CNBD2: variants seen among roughly 807,000 people sequenced by gnomAD.
The protein encoded by CNBD2 is cyclic nucleotide binding domain containing 2.
CNBD2 carries 64 observed loss-of-function variants against 63.7 expected under a neutral mutation model. The ratio of observed to expected loss-of-function variants is 1.00; its 90% CI spans 0.82 to 1.24. The LOEUF is 1.24. CNBD2 is among the 50% of genes most tolerant of loss of function. CNBD2 has a pLI of 0.00. For synonymous variants in CNBD2, 229 were observed against 255.4 expected, an observed-to-expected ratio of 0.90 and a Z score of 0.99; for missense variants, 691 against 713.5, an observed-to-expected ratio of 0.97 and a Z score of 0.36.
Position 35,995,075 on chromosome 20 carries a change from C to A in CNBD2, c.893C>A (p.Ala298Asp), listed in dbSNP as rs2056805426. 1 of 1,614,094 alleles carries A rather than the reference C, an allele frequency of 6.2e-7. No individual in the cohort carries two copies. Among genetic ancestry groups the A allele is most frequent in the Non-Finnish European group, 8.5e-7 (1 of 1,179,966 alleles). Residue 298 changes from alanine (A) to aspartate (D), a missense_variant, in exon 8 of 12, where the codon GCC becomes GAC. Coordinates refer to ENST00000373973, the MANE Select transcript of CNBD2 (RefSeq NM_001365709.1). ...GTCCTGCGGCTGTTGGACCTTGGGG[C>A]CTCCCCTTCCTACCGTAGATGGATC... Reference protein sequence around the residue: ...CEVLRLLDLGASPSYRRWIWQ... With the variant: ...CEVLRLLDLGDSPSYRRWIWQ...
chr20:36,027,805 A>C (rs542157953), intron 11 of CNBD2, among the ~76,000 whole-genome samples: 70 of 151,908 alleles, frequency 4.6e-4, no homozygotes, highest in Non-Finnish European at 7.5e-4. Context: ...CCTCCCAAGT[A>C]GATGGGATTA....
intron 8 of CNBD2, among the ~76,000 whole-genome samples, chr20:35,996,519 T>G (rs186264192): frequency 2.2e-3 from 335 of 151,378 alleles, no homozygotes; most frequent in African/African-American, 7.6e-3. Context: ...TTTTTTTTTT[T>G]TTTTTGGAGA....
chr20:35,967,410 C>T (rs1233880897), upstream of CNBD2, among the ~76,000 whole-genome samples: 5 of 151,782 alleles, frequency 3.3e-5, no homozygotes, highest in South Asian at 2.1e-4. Context: ...CCACCTCACC[C>T]GGCTAATTTT....
At chr20:35,987,339 A>T in intron 6 of CNBD2, 56 bp from the exon 7 acceptor site, 1 of 1,603,140 alleles carries the variant, frequency 6.2e-7, no homozygotes, top group African/African-American at 1.3e-5. Flanking sequence ...CAGATTGCTA[A>T]GGTCTGGGCA....
chr20:35,993,231 G>A (rs1173233346), intron 7 of CNBD2, among the ~76,000 whole-genome samples: 1 of 151,968 alleles, frequency 6.6e-6, no homozygotes, highest in African/African-American at 2.4e-5. Context: ...GTATACACCT[G>A]AGTGATCATT....
intron 8 of CNBD2, among the ~76,000 whole-genome samples, chr20:35,996,188 A>G (rs897898216): frequency 1.1e-4 from 17 of 152,234 alleles, no homozygotes; most frequent in Non-Finnish European, 2.2e-4. Context: ...TGAGTCTGAA[A>G]TGCTTATTAA....
At chr20:35,967,895 A>G (rs1243277000), upstream of CNBD2, among the ~76,000 whole-genome samples, 1 of 152,180 alleles carries the variant, frequency 6.6e-6, no homozygotes, top group African/African-American at 2.4e-5. Flanking sequence ...GTGAGCCCCC[A>G]AATTGAGACT....
intron 10 of CNBD2, among the ~76,000 whole-genome samples, chr20:36,019,637 G>A (rs1032267397): frequency 2.0e-5 from 3 of 151,796 alleles, no homozygotes; most frequent in African/African-American, 4.8e-5. Context: ...GGGAGGAGGC[G>A]TGTTGGGGGG....
At chr20:36,015,277 ATG>A (rs1358913681) in intron 10 of CNBD2, among the ~76,000 whole-genome samples, 1 of 152,134 alleles carries the variant, frequency 6.6e-6, no homozygotes, top group Non-Finnish European at 1.5e-5. Flanking sequence ...CCCTTATCAG[ATG>A]TACGGCTTGC....
upstream of CNBD2, among the ~76,000 whole-genome samples, chr20:35,965,184 T>TC (rs1491378892): frequency 2.3e-4 from 26 of 112,904 alleles, no homozygotes; most frequent in East Asian, 2.3e-3. Context: ...CCTCTCTCTC[T>TC]TTTTTTTTTT....
At chr20:35,979,430 A>C (rs2056565940) in intron 3 of CNBD2, among the ~76,000 whole-genome samples, 1 of 152,204 alleles carries the variant, frequency 6.6e-6, no homozygotes, top group South Asian at 2.1e-4. Context: ...CAGTTTTACA[A>C]ATTTTTTTGT....
intron 7 of CNBD2, among the ~76,000 whole-genome samples, chr20:35,992,172 C>T (rs748863386): frequency 9.9e-5 from 15 of 152,078 alleles, no homozygotes; most frequent in African/African-American, 2.4e-4. Context: ...TGAACCACCG[C>T]GCCTGGCGGG....
At chr20:35,974,027 G>C (rs1372134557) in intron 2 of CNBD2, 3 of 152,690 alleles carry the variant, frequency 2.0e-5, no homozygotes, top group Non-Finnish European at 2.9e-5. Flanking sequence ...CCAAAGAAAG[G>C]GGGATACGGG....
chr20:36,004,149 G>C (rs777969606), intron 8 of CNBD2, among the ~76,000 whole-genome samples: 3 of 152,140 alleles, frequency 2.0e-5, no homozygotes, highest in Admixed American at 6.5e-5. Context: ...CCTGTTAGAC[G>C]TGAGCCCAAC....
At chr20:35,976,278 C>T (rs1330644868) in intron 3 of CNBD2, among the ~76,000 whole-genome samples, 1 of 152,146 alleles carries the variant, frequency 6.6e-6, no homozygotes, top group East Asian at 1.9e-4. Flanking sequence ...TGGGCTTGGA[C>T]CCGTGGGAAA....
intron 10 of CNBD2, among the ~76,000 whole-genome samples, chr20:36,017,697 G>C (rs982704291): frequency 6.6e-6 from 1 of 152,126 alleles, no homozygotes. Flanking sequence ...CATTTATGTA[G>C]CCAGGCACAG....
chr20:35,957,226 G>A (rs1017594479), downstream of CNBD2, among the ~76,000 whole-genome samples: 12 of 152,264 alleles, frequency 7.9e-5, no homozygotes, highest in South Asian at 1.2e-3. Flanking sequence ...TTTGTGGGCC[G>A]GTAAGCCTGC....
intron 10 of CNBD2, among the ~76,000 whole-genome samples, chr20:36,020,987 A>C (rs1030799449): frequency 6.6e-6 from 1 of 152,172 alleles, no homozygotes; most frequent in South Asian, 2.1e-4. Flanking sequence ...CAAATGGTGG[A>C]GGTGGGGAGG....
chr20:35,976,281 G>A lies in CNBD2; in HGVS notation c.243+279G>A, dbSNP rs141487318. On this transcript the variant is annotated intron_variant, in intron 3 of 11. Coordinates refer to ENST00000373973, the MANE Select transcript of CNBD2 (RefSeq NM_001365709.1). Reference sequence around the variant, plus strand: ...GGAGAGAGTTCCTGGGCTTGGACCCGTGGGAAAACAGCAGGAAAAGATAAA... The same window carrying A: ...GGAGAGAGTTCCTGGGCTTGGACCCATGGGAAAACAGCAGGAAAAGATAAA... Among the ~76,000 whole-genome samples, 768 of 152,342 alleles carry A rather than the reference G, an allele frequency of 5.0e-3. 11 individuals are homozygous for A. The highest frequency in any genetic ancestry group is 0.017 in the African/African-American group (721 of 41,570).
Sources: allele counts gnomAD v4.1 joint callset (sites outside exome capture counted in the v4.1 genomes callset), GRCh38; gene constraint gnomAD v4.1.1; transcripts MANE v1.5; gene names NCBI Gene and HGNC (gene_info 2026-07-23, HGNC 2026-07-21).